The following PPP2R2C variants were observed in gnomAD, a reference collection of about 807,000 sequenced individuals.
The protein encoded by PPP2R2C is protein phosphatase 2 regulatory subunit Bgamma, also known as protein phosphatase 2, regulatory subunit B, gamma.
PPP2R2C carries 10 observed loss-of-function variants against 45.3 expected under a neutral mutation model. That is an observed-to-expected ratio of 0.22 (90% CI 0.14 to 0.37). The LOEUF is 0.37. Ranked by LOEUF, PPP2R2C falls within the 10% of genes least tolerant of loss-of-function variation. The probability of loss-of-function intolerance (pLI) is 1.00; values close to 1 mark genes in which losing one functional copy is unlikely to be tolerated. For missense variants in PPP2R2C, 308 were observed against 619.7 expected, an observed-to-expected ratio of 0.50 and a Z score of 5.34; for synonymous variants, 257 against 245.4, an observed-to-expected ratio of 1.05 and a Z score of -0.44.
intron 4 of PPP2R2C, 98 bp from the exon 5 acceptor site, chr4:6,372,798 A>C: frequency 1.6e-6 from 2 of 1,288,774 alleles, no homozygotes; most frequent in Non-Finnish European, 2.2e-6. Flanking sequence ...AGGCTGGAAC[A>C]CAGGGGTGGG....
At chr4:6,373,928 T>TGC (rs1553889925) in intron 4 of PPP2R2C, among the ~76,000 whole-genome samples, 1 of 146,706 alleles carries the variant, frequency 6.8e-6, no homozygotes, top group Non-Finnish European at 1.5e-5. Flanking sequence ...TGTGTGTGTG[T>TGC]GCACGCAGCA....
At chr4:6,493,271 C>T (rs1487685337) in intron 2 of PPP2R2C, among the ~76,000 whole-genome samples, 5 of 151,960 alleles carry the variant, frequency 3.3e-5, no homozygotes, top group Non-Finnish European at 7.4e-5. Flanking sequence ...CCTGGTCCCC[C>T]TTTCTGGGCT....
intron 5 of PPP2R2C, among the ~76,000 whole-genome samples, chr4:6,352,074 C>T (rs937840270): frequency 5.3e-5 from 8 of 152,296 alleles, no homozygotes; most frequent in South Asian, 2.1e-4. Context: ...ACTCAGCTAC[C>T]GTGAACACAG....
intron 1 of PPP2R2C, among the ~76,000 whole-genome samples, chr4:6,542,080 T>C (rs562358825): frequency 1.1e-4 from 17 of 152,304 alleles, no homozygotes; most frequent in Admixed American, 3.3e-4. Flanking sequence ...CACAGTACCC[T>C]CCAAAAGGGA....
chr4:6,552,091 G>A (rs146289849), intron 1 of PPP2R2C, among the ~76,000 whole-genome samples: 1 of 152,196 alleles, frequency 6.6e-6, no homozygotes, highest in Non-Finnish European at 1.5e-5. Flanking sequence ...GAGCCTACAG[G>A]TCCACTTTTG....
intron 5 of PPP2R2C, among the ~76,000 whole-genome samples, chr4:6,369,202 C>T (rs993158021): frequency 7.9e-5 from 12 of 152,216 alleles, no homozygotes; most frequent in Admixed American, 1.3e-4. Flanking sequence ...ATCAAATTAA[C>T]GATGTCGCTC....
chr4:6,538,505 G>A (rs1442556195), intron 1 of PPP2R2C, among the ~76,000 whole-genome samples: 1 of 151,798 alleles, frequency 6.6e-6, no homozygotes, highest in East Asian at 1.9e-4. Context: ...ATGGTGGGAA[G>A]GGAACAAAAT....
chr4:6,524,909 C>T (rs1003687293), intron 2 of PPP2R2C, among the ~76,000 whole-genome samples: 1 of 151,078 alleles, frequency 6.6e-6, no homozygotes, highest in East Asian at 2.0e-4. Flanking sequence ...GGCAACATAG[C>T]AAGACCCCAT....
intron 1 of PPP2R2C, among the ~76,000 whole-genome samples, chr4:6,421,483 T>A (rs1381131243): frequency 6.6e-6 from 1 of 152,156 alleles, no homozygotes; most frequent in Admixed American, 6.6e-5. Flanking sequence ...GTTTGTGGAT[T>A]ACCCGGAAGT....
intron 1 of PPP2R2C, among the ~76,000 whole-genome samples, chr4:6,561,744 G>T (rs1725584693): frequency 6.6e-6 from 1 of 152,068 alleles, no homozygotes; most frequent in South Asian, 2.1e-4. Context: ...CTGGCGTTTA[G>T]AACCCAGGGA....
At chr4:6,389,902 C>A (rs1031588858) in intron 1 of PPP2R2C, among the ~76,000 whole-genome samples, 1 of 152,092 alleles carries the variant, frequency 6.6e-6, no homozygotes, top group African/African-American at 2.4e-5. Flanking sequence ...CTTGAACTTG[C>A]CCCCCAGGCC....
At chr4:6,511,798 ATGG>A (rs1723551938) in intron 2 of PPP2R2C, among the ~76,000 whole-genome samples, 3 of 5,786 alleles carry the variant, frequency 5.2e-4, no homozygotes. Context: ...GGTGATGGTG[ATGG>A]TGGTGTTGGT....
chr4:6,372,810 G>A (rs79608622), intron 4 of PPP2R2C, 110 bp from the exon 5 acceptor site: 43,567 of 1,132,854 alleles, frequency 0.038, 1,113 homozygotes, highest in East Asian at 0.13. Flanking sequence ...AGGGGTGGGC[G>A]TCCATCCTGA....
At chr4:6,549,670 C>T (rs184544413) in intron 1 of PPP2R2C, among the ~76,000 whole-genome samples, 2 of 152,318 alleles carry the variant, frequency 1.3e-5, no homozygotes, top group East Asian at 1.9e-4. Context: ...TGTGACCTCA[C>T]GTAACCCCTC....
At chr4:6,468,627 T>A (rs953604838) in intron 1 of PPP2R2C, among the ~76,000 whole-genome samples, 2 of 152,144 alleles carry the variant, frequency 1.3e-5, no homozygotes, top group Non-Finnish European at 2.9e-5. Flanking sequence ...ATCTACCTGG[T>A]CAGCCTGAAC....
intron 1 of PPP2R2C, among the ~76,000 whole-genome samples, chr4:6,403,382 T>G (rs534024143): frequency 1.3e-5 from 2 of 152,278 alleles, no homozygotes; most frequent in South Asian, 4.2e-4. Context: ...GCCCCCTAGG[T>G]GTTTTTATTT....
intron 1 of PPP2R2C, among the ~76,000 whole-genome samples, chr4:6,435,635 C>A (rs551429744): frequency 1.3e-5 from 2 of 152,186 alleles, no homozygotes; most frequent in Non-Finnish European, 2.9e-5. Context: ...ATACAAGATT[C>A]GTGCACCAGA....
chr4:6,477,948 G>C (rs1722220014), intron 2 of PPP2R2C, among the ~76,000 whole-genome samples: 1 of 151,952 alleles, frequency 6.6e-6, no homozygotes, highest in African/African-American at 2.4e-5. Context: ...TCCCTCATGT[G>C]GTCCGTGTTC....
At chr4:6,512,227 G>A (rs1402558503) in intron 2 of PPP2R2C, among the ~76,000 whole-genome samples, 3 of 92,150 alleles carry the variant, frequency 3.3e-5, no homozygotes, top group East Asian at 3.5e-4. Context: ...GGTGTTGGTG[G>A]TGGTGATGGT....
Sources: gnomAD v4.1 joint callset for allele counts (sites outside exome capture counted in the v4.1 genomes callset) on GRCh38, gnomAD v4.1.1 for gene constraint, MANE v1.5 for transcripts, NCBI Gene and HGNC (gene_info 2026-07-23, HGNC 2026-07-21) for gene names.